Variants in OPCML observed in about 807,000 individuals in gnomAD.
OPCML encodes the protein opioid binding protein/cell adhesion molecule like.
OPCML carries 13 observed loss-of-function variants against 37.8 expected under a neutral mutation model. The observed-to-expected ratio is 0.34, with a 90% CI of 0.22 to 0.55. The LOEUF (loss-of-function observed/expected upper bound fraction) is 0.55. Ranked by LOEUF, OPCML falls within the 20% of genes least tolerant of loss-of-function variation. OPCML has a pLI of 0.91. For missense variants in OPCML, 341 were observed against 435.6 expected (o/e 0.78, Z 1.93); for synonymous variants, 176 against 168.8 (o/e 1.04, Z -0.33).
At position 133,116,768 on chromosome 11, in the gene OPCML, T is replaced by C. The variant is rs151116162; in HGVS notation, c.62-173758A>G. 1.5e-3 allele frequency among the ~76,000 whole-genome samples: 228 copies of C among 147,394 alleles called. 1 individual carries two copies. Among genetic ancestry groups the C allele is most frequent in the Non-Finnish European group, 2.4e-3 (163 of 67,120 alleles). Reference sequence around the variant, plus strand: ...TTACTATTCATTTTTTCTTTGTAACTTATAAGTAATTTGTGGGAAGATATT... The same window carrying C: ...TTACTATTCATTTTTTCTTTGTAACCTATAAGTAATTTGTGGGAAGATATT... On this transcript the variant is annotated intron_variant, in intron 1 of 7. Coordinates refer to ENST00000524381, the MANE Select transcript of OPCML (RefSeq NM_001012393.5).
At chr11:132,579,386 T>A (rs768694264) in intron 3 of OPCML, among the ~76,000 whole-genome samples, 1 of 11,040 alleles carries the variant, frequency 9.1e-5, no homozygotes, top group Middle Eastern at 0.031. Context: ...AGAATGAATA[T>A]GTGTGTGTGT....
chr11:133,333,825 G>A (rs1943680110), intron 1 of OPCML, among the ~76,000 whole-genome samples: 2 of 152,080 alleles, frequency 1.3e-5, no homozygotes, highest in Non-Finnish European at 1.5e-5. Flanking sequence ...TGAAAAGTGG[G>A]CAAAGGACAT....
chr11:132,422,492 A>T (rs958954418), intron 7 of OPCML, among the ~76,000 whole-genome samples: 21 of 152,222 alleles, frequency 1.4e-4, no homozygotes, highest in Non-Finnish European at 4.4e-5. Context: ...AGCATTCTCA[A>T]GAGTGGAAAT....
At chr11:133,180,457 A>G (rs1482847776) in intron 1 of OPCML, among the ~76,000 whole-genome samples, 1 of 152,236 alleles carries the variant, frequency 6.6e-6, no homozygotes, top group East Asian at 1.9e-4. Flanking sequence ...CAGTGTCAAT[A>G]TGGTTCAAAT....
chr11:133,026,554 C>G, intron 1 of OPCML: 2 of 985,426 alleles, frequency 2.0e-6, no homozygotes, highest in South Asian at 9.4e-5. Flanking sequence ...CCTTTCCAAA[C>G]ACCTAAATCT....
intron 1 of OPCML, among the ~76,000 whole-genome samples, chr11:133,185,691 A>C (rs143170269): frequency 2.1e-3 from 320 of 152,264 alleles, no homozygotes; most frequent in African/African-American, 7.4e-3. Context: ...TAGATATTTT[A>C]TTTGAGAACA....
chr11:132,876,375 C>T (rs1943015810), intron 2 of OPCML, among the ~76,000 whole-genome samples: 1 of 152,184 alleles, frequency 6.6e-6, no homozygotes, highest in African/African-American at 2.4e-5. Context: ...CAGGGCCATC[C>T]AGTTCTGTCT....
At chr11:133,392,685 G>T (rs1202046562) in intron 1 of OPCML, among the ~76,000 whole-genome samples, 2 of 152,190 alleles carry the variant, frequency 1.3e-5, no homozygotes, top group African/African-American at 2.4e-5. Context: ...AGGAAAGACT[G>T]ACTCCAAGAT....
intron 4 of OPCML, among the ~76,000 whole-genome samples, chr11:132,492,875 G>A (rs1375769872): frequency 6.6e-6 from 1 of 152,122 alleles, no homozygotes; most frequent in African/African-American, 2.4e-5. Context: ...ATAAATGAAC[G>A]CTTCAGTAGA....
intron 1 of OPCML, among the ~76,000 whole-genome samples, chr11:133,350,033 A>T (rs1025404483): frequency 9.2e-5 from 14 of 152,192 alleles, no homozygotes; most frequent in Non-Finnish European, 1.8e-4. Context: ...GAGCCCACAG[A>T]GCCTTCCTGT....
intron 1 of OPCML, among the ~76,000 whole-genome samples, chr11:132,969,659 G>T (rs1242063543): frequency 1.3e-5 from 2 of 151,924 alleles, no homozygotes; most frequent in Non-Finnish European, 2.9e-5. Flanking sequence ...ACATATTTAA[G>T]TTCATTGATT....
chr11:133,402,706 G>T (rs1438808628), intron 1 of OPCML, among the ~76,000 whole-genome samples: 1 of 152,154 alleles, frequency 6.6e-6, no homozygotes, highest in East Asian at 1.9e-4. Flanking sequence ...GCTGGAAGAG[G>T]TTGTCCCCAC....
At chr11:132,786,291 G>A (rs1947209421) in intron 2 of OPCML, among the ~76,000 whole-genome samples, 1 of 152,144 alleles carries the variant, frequency 6.6e-6, no homozygotes, top group Admixed American at 6.6e-5. Flanking sequence ...CATAGTTAAA[G>A]TGCTAACCAA....
chr11:132,813,083 A>T (rs1939439188), intron 2 of OPCML, among the ~76,000 whole-genome samples: 1 of 152,202 alleles, frequency 6.6e-6, no homozygotes, highest in African/African-American at 2.4e-5. Context: ...TTTTGATTCA[A>T]ATAGGTTCTC....
intron 4 of OPCML, among the ~76,000 whole-genome samples, chr11:132,448,332 T>C (rs1436476261): frequency 6.6e-6 from 1 of 152,224 alleles, no homozygotes; most frequent in African/African-American, 2.4e-5. Flanking sequence ...AAAATACTTG[T>C]ATTAGCTTGT....
chr11:133,393,241 A>G (rs1215014136), intron 1 of OPCML, among the ~76,000 whole-genome samples: 3 of 152,204 alleles, frequency 2.0e-5, no homozygotes, highest in Admixed American at 6.5e-5. Context: ...AATCAACAAC[A>G]TATATTAAAT....
chr11:133,476,994 G>T (rs150857335), intron 1 of OPCML, among the ~76,000 whole-genome samples: 1 of 152,120 alleles, frequency 6.6e-6, no homozygotes. Flanking sequence ...AATGGCAGAG[G>T]GCTGACTTTT....
intron 2 of OPCML, among the ~76,000 whole-genome samples, chr11:132,753,093 C>T (rs1232317254): frequency 6.6e-6 from 1 of 152,090 alleles, no homozygotes; most frequent in Admixed American, 6.6e-5. Context: ...TCACCTTCCT[C>T]AGGAGGCTTT....
At chr11:132,599,560 A>G (rs1473797406) in intron 3 of OPCML, among the ~76,000 whole-genome samples, 1 of 152,186 alleles carries the variant, frequency 6.6e-6, no homozygotes, top group African/African-American at 2.4e-5. Context: ...TGGCAGGCTC[A>G]CATCTCACAT....
Sources: allele counts gnomAD v4.1 joint callset (sites outside exome capture counted in the v4.1 genomes callset), GRCh38; gene constraint gnomAD v4.1.1; transcripts MANE v1.5; gene names NCBI Gene and HGNC (gene_info 2026-07-23, HGNC 2026-07-21).